Variants in PARPBP observed in about 807,000 individuals in gnomAD.
PARPBP encodes PARP1 binding protein, also known as PCNA-interacting partner.
Under a neutral mutation model 50.0 loss-of-function variants are expected in PARPBP, and 52 were observed. That is an observed-to-expected ratio of 1.04 (90% confidence interval 0.83 to 1.31). PARPBP has a LOEUF of 1.31. PARPBP is among the 50% of genes most tolerant of loss of function. The pLI, the probability that PARPBP is intolerant of heterozygous loss-of-function variation, is 0.00. For missense variants in PARPBP, 697 were observed against 672.0 expected, an observed-to-expected ratio of 1.04 and a Z score of -0.41; for synonymous variants, 244 against 232.1, an observed-to-expected ratio of 1.05 and a Z score of -0.47.
chr12:102,154,103 CTG>C (rs1886573456), intron 4 of PARPBP, 127 bp downstream of exon 4: 1 of 581,426 alleles, frequency 1.7e-6, no homozygotes, highest in East Asian at 2.8e-5. Flanking sequence ...ATGTTTAAAA[CTG>C]TATTCGCAAA....
chr12:102,177,438 CA>C (rs1204072245), intron 7 of PARPBP, among the ~76,000 whole-genome samples: 1 of 152,162 alleles, frequency 6.6e-6, no homozygotes, highest in Non-Finnish European at 1.5e-5. Context: ...CAGTTGGTAT[CA>C]AATCCAGCCA....
At chr12:102,120,556 T>C in intron 1 of PARPBP, 1 of 453,840 alleles carries the variant, frequency 2.2e-6, no homozygotes, top group South Asian at 1.6e-5. Context: ...TAACTTCCAT[T>C]AGTTAGGCAG....
At chr12:102,178,873 A>G (rs1317651187) in intron 8 of PARPBP, 103 bp downstream of exon 8, 1 of 694,806 alleles carries the variant, frequency 1.4e-6, no homozygotes, top group African/African-American at 1.8e-5. Flanking sequence ...AGAAATTGTG[A>G]AGAAAGAAAA....
chr12:102,135,431 G>C (rs1435752579), intron 2 of PARPBP, among the ~76,000 whole-genome samples: 1 of 150,896 alleles, frequency 6.6e-6, no homozygotes, highest in Non-Finnish European at 1.5e-5. Flanking sequence ...TGTAGTTCCA[G>C]CTACTTGGGA....
Position 102,141,751 on chromosome 12 carries a change from G to T in PARPBP, c.154-6479G>T, listed in dbSNP as rs532196428. On this transcript the variant is annotated intron_variant, in intron 2 of 10. Transcript: ENST00000327680. ...ATTTCTCCTTCACTTATGAAGCTTAGTTTGGCTGGCTATGAAATTCTGGGT... is the reference window on the plus strand; with the variant it reads ...ATTTCTCCTTCACTTATGAAGCTTATTTTGGCTGGCTATGAAATTCTGGGT... Among the ~76,000 whole-genome samples the T allele has an allele frequency of 2.5e-3, 383 of 152,272 alleles. 3 individuals carry two copies. The highest frequency in any genetic ancestry group is 8.9e-3 in the African/African-American group (370 of 41,542).
intron 2 of PARPBP, among the ~76,000 whole-genome samples, chr12:102,125,159 T>C (rs755559480): frequency 1.4e-4 from 21 of 152,216 alleles, no homozygotes; most frequent in Non-Finnish European, 2.8e-4. Flanking sequence ...TATTGAGTTT[T>C]TACTGTGTGT....
chr12:102,122,948 A>G (rs1384755405), intron 1 of PARPBP, among the ~76,000 whole-genome samples: 1 of 152,240 alleles, frequency 6.6e-6, no homozygotes, highest in Non-Finnish European at 1.5e-5. Flanking sequence ...AAACCATTTC[A>G]AAAGTTAAGG....
At chr12:102,136,769 G>A (rs10444510) in intron 2 of PARPBP, among the ~76,000 whole-genome samples, 28,643 of 152,016 alleles carry the variant, frequency 0.19, 2,737 homozygotes, top group Non-Finnish European at 0.21. Context: ...ATCCTCAACT[G>A]TGCTCTGACT....
At chr12:102,124,763 T>A (rs943074975) in intron 2 of PARPBP, among the ~76,000 whole-genome samples, 2 of 152,164 alleles carry the variant, frequency 1.3e-5, no homozygotes, top group Non-Finnish European at 1.5e-5. Flanking sequence ...AATGGGTCTG[T>A]TGGGCTAGAT....
intron 4 of PARPBP, among the ~76,000 whole-genome samples, chr12:102,159,625 A>C (rs539104949): frequency 2.0e-5 from 3 of 152,160 alleles, no homozygotes; most frequent in Non-Finnish European, 2.9e-5. Context: ...GTACTAAACC[A>C]TTGCTTTTAA....
intron 2 of PARPBP, among the ~76,000 whole-genome samples, chr12:102,147,442 C>T (rs2138616245): frequency 6.6e-6 from 1 of 151,964 alleles, no homozygotes; most frequent in East Asian, 1.9e-4. Flanking sequence ...TGGAAATCAT[C>T]ATTCTCAGTA....
At chr12:102,175,416 T>G in intron 6 of PARPBP, 67 bp from the exon 7 acceptor site, 1 of 1,003,192 alleles carries the variant, frequency 1.0e-6, no homozygotes, top group Non-Finnish European at 1.5e-6. Flanking sequence ...AAAATTATAT[T>G]TTCAAGTCTA....
intron 2 of PARPBP, among the ~76,000 whole-genome samples, chr12:102,127,854 C>T (rs913853342): frequency 6.6e-6 from 1 of 152,104 alleles, no homozygotes; most frequent in Non-Finnish European, 1.5e-5. Context: ...AGCCTTTTGA[C>T]TGAGTGGCCT....
rs189579133 is a variant in PARPBP at position 102,193,821 on chromosome 12, A to G, written c.1264-1491A>G. Among the ~76,000 whole-genome samples the G allele has an allele frequency of 2.4e-3, 365 of 152,184 alleles. 3 individuals are homozygous for G. The highest frequency in any genetic ancestry group is 4.0e-3 in the Non-Finnish European group (273 of 67,944). On this transcript the variant is annotated intron_variant, in intron 9 of 10. Coordinates refer to ENST00000327680, the MANE Select transcript of PARPBP (RefSeq NM_017915.5). ...GTAGAAGCTATTTAATAAGTGTTGC[A>G]TTCATAGGGATTCATGAAGGTAGTG...
chr12:102,135,646 T>A (rs1457213361), intron 2 of PARPBP, among the ~76,000 whole-genome samples: 1 of 152,110 alleles, frequency 6.6e-6, no homozygotes, highest in Non-Finnish European at 1.5e-5. Flanking sequence ...TTGTATAGAT[T>A]TCCCTGGACC....
intron 4 of PARPBP, among the ~76,000 whole-genome samples, chr12:102,157,263 G>A (rs1239410948): frequency 6.6e-6 from 1 of 152,036 alleles, no homozygotes; most frequent in Non-Finnish European, 1.5e-5. Context: ...GCTGACATGT[G>A]GGTCCCTGGA....
chr12:102,123,848 A>G, intron 1 of PARPBP, 38 bp from the exon 2 acceptor site: 1 of 1,437,002 alleles, frequency 7.0e-7, no homozygotes, highest in Non-Finnish European at 9.5e-7. Flanking sequence ...TCAGGTTAAC[A>G]TAAGATACTT....
intron 2 of PARPBP, among the ~76,000 whole-genome samples, chr12:102,143,947 T>G (rs1885012950): frequency 6.6e-6 from 1 of 151,968 alleles, no homozygotes; most frequent in South Asian, 2.1e-4. Flanking sequence ...AACAGGTTTT[T>G]AAAATTGTAT....
At chr12:102,169,814 A>G (rs887078340) in intron 6 of PARPBP, among the ~76,000 whole-genome samples, 4 of 152,158 alleles carry the variant, frequency 2.6e-5, no homozygotes, top group African/African-American at 4.8e-5. Flanking sequence ...AGGAACCTCA[A>G]TATGATACAC....
Sources: gnomAD v4.1 joint callset for allele counts (sites outside exome capture counted in the v4.1 genomes callset) on GRCh38, gnomAD v4.1.1 for gene constraint, MANE v1.5 for transcripts, NCBI Gene and HGNC (gene_info 2026-07-23, HGNC 2026-07-21) for gene names.